LARGE1: variants seen among roughly 807,000 people sequenced by gnomAD.
LARGE1 encodes LARGE xylosyl- and glucuronyltransferase 1.
A neutral mutation model predicts 87.6 loss-of-function variants in LARGE1; 43 were observed. The ratio of observed to expected loss-of-function variants is 0.49; its 90% CI spans 0.38 to 0.63. LARGE1 has a LOEUF of 0.63. LARGE1 is among the 30% of genes least tolerant of loss of function. The pLI, the probability that LARGE1 is intolerant of heterozygous loss-of-function variation, is 0.00. For missense variants in LARGE1, 802 were observed against 1,000.2 expected, an observed-to-expected ratio of 0.80 and a Z score of 2.67; for synonymous variants, 434 against 394.6, an observed-to-expected ratio of 1.10 and a Z score of -1.18.
At chr22:33,801,604 TC>T (rs2086162876) in intron 1 of LARGE1, among the ~76,000 whole-genome samples, 1 of 152,208 alleles carries the variant, frequency 6.6e-6, no homozygotes, top group Non-Finnish European at 1.5e-5. Flanking sequence ...ATACGAGTCC[TC>T]TGTCAAATGT....
intron 5 of LARGE1, among the ~76,000 whole-genome samples, chr22:33,599,357 C>G (rs891131013): frequency 6.6e-6 from 1 of 151,258 alleles, no homozygotes; most frequent in African/African-American, 2.4e-5. Flanking sequence ...CAAAGCTCTA[C>G]GCAAAAATAA....
intron 11 of LARGE1, among the ~76,000 whole-genome samples, chr22:33,170,421 C>T (rs1213577405): frequency 6.6e-6 from 1 of 152,062 alleles, no homozygotes; most frequent in African/African-American, 2.4e-5. Flanking sequence ...ATAGAGCTAG[C>T]TTGATATGGT....
At chr22:33,669,626 T>C (rs2081353725) in intron 2 of LARGE1, among the ~76,000 whole-genome samples, 1 of 152,200 alleles carries the variant, frequency 6.6e-6, no homozygotes, top group African/African-American at 2.4e-5. Context: ...TGGGGAGACC[T>C]TTCCCACCTG....
intron 7 of LARGE1, among the ~76,000 whole-genome samples, chr22:33,417,128 A>AT (rs2066528873): frequency 6.6e-6 from 1 of 150,596 alleles, no homozygotes; most frequent in South Asian, 2.1e-4. Context: ...GATGCTCTCT[A>AT]TCTCTTGACC....
At chr22:33,194,743 A>G (rs1290786185) in intron 11 of LARGE1, among the ~76,000 whole-genome samples, 4 of 152,128 alleles carry the variant, frequency 2.6e-5, no homozygotes, top group Non-Finnish European at 5.9e-5. Flanking sequence ...GGGACACGGA[A>G]TGATAGTGCT....
Position 33,548,697 on chromosome 22 carries a change from G to A in LARGE1, c.787+16151C>T, listed in dbSNP as rs527545343. Among the ~76,000 whole-genome samples, 317 of 152,330 alleles carry A rather than the reference G, an allele frequency of 2.1e-3. 3 individuals are homozygous for A. Among genetic ancestry groups the A allele is most frequent in the African/African-American group, 6.8e-3 (281 of 41,588 alleles). On this transcript the variant is annotated intron_variant, in intron 6 of 14. Coordinates refer to ENST00000397394, the MANE Select transcript of LARGE1 (RefSeq NM_133642.5). ...CCCAATGTGCTGGGATTATAGGCAC[G>A]AGCCATCATACCCGGCTCAGGTATT... is the stretch of plus-strand genomic sequence containing the variant.
At chr22:33,183,974 A>C (rs1353168881) in intron 11 of LARGE1, among the ~76,000 whole-genome samples, 1 of 151,750 alleles carries the variant, frequency 6.6e-6, no homozygotes, top group Non-Finnish European at 1.5e-5. Context: ...TTGTTTACTC[A>C]AAATTTGATA....
intron 2 of LARGE1, among the ~76,000 whole-genome samples, chr22:33,724,555 A>G (rs975207142): frequency 2.0e-5 from 3 of 152,190 alleles, no homozygotes; most frequent in African/African-American, 7.2e-5. Flanking sequence ...AGAGAAGGGA[A>G]GAGTTGATAT....
chr22:33,635,962 A>T (rs1333096243), intron 3 of LARGE1, among the ~76,000 whole-genome samples: 1 of 152,170 alleles, frequency 6.6e-6, no homozygotes, highest in Non-Finnish European at 1.5e-5. Flanking sequence ...AACAGGTGTG[A>T]CCACATGGGT....
intron 9 of LARGE1, among the ~76,000 whole-genome samples, chr22:33,349,686 G>A (rs992342106): frequency 1.3e-5 from 2 of 152,000 alleles, no homozygotes; most frequent in African/African-American, 4.8e-5. Flanking sequence ...ATCAGGTACT[G>A]CTATTAAATA....
chr22:33,442,952 C>T lies in LARGE1; in HGVS notation c.788-10687G>A, dbSNP rs5998944. 4.4e-3 allele frequency among the ~76,000 whole-genome samples: 671 copies of T among 152,206 alleles called. 5 individuals are homozygous for T. Among genetic ancestry groups the T allele is most frequent in the African/African-American group, 0.016 (651 of 41,554 alleles). ...GGACTACAGGCGCCCGCACCACATC[C>T]GGCTAATTTTTTGTATTTTTTAGTA... On this transcript the variant is annotated intron_variant, in intron 6 of 14. Coordinates refer to ENST00000397394, the MANE Select transcript of LARGE1 (RefSeq NM_133642.5).
chr22:33,805,251 C>T (rs778622511), intron 1 of LARGE1, among the ~76,000 whole-genome samples: 38 of 152,132 alleles, frequency 2.5e-4, no homozygotes, highest in Admixed American at 9.2e-4. Flanking sequence ...TACACTTGGT[C>T]TAAGCCACCA....
Position 33,187,144 on chromosome 22 carries a change from A to C in LARGE1, c.1731-20312T>G, listed in dbSNP as rs555822289. On this transcript the variant is annotated intron_variant, in intron 11 of 11. Coordinates refer to the LARGE1 transcript ENST00000608642. ...TCCAGCAGTCCCACGACTGGGTATA[A>C]ATTCAAAGGAAATGAAACCGATTTG... Among the ~76,000 whole-genome samples, 129 of 152,324 alleles carry C rather than the reference A, an allele frequency of 8.5e-4. 1 individual carries two copies. The highest frequency in any genetic ancestry group is 3.0e-3 in the African/African-American group (126 of 41,590).
intron 6 of LARGE1, among the ~76,000 whole-genome samples, chr22:33,451,901 C>T (rs1032870673): frequency 6.6e-6 from 1 of 152,150 alleles, no homozygotes; most frequent in African/African-American, 2.4e-5. Context: ...TAGCTTAGCT[C>T]CCACTTATCA....
intron 2 of LARGE1, 110 bp from the exon 3 acceptor site, chr22:33,650,778 A>G: frequency 8.3e-7 from 1 of 1,212,092 alleles, no homozygotes; most frequent in Non-Finnish European, 1.2e-6. Context: ...GCACAATCCC[A>G]TGTTTAAGGA....
the LARGE1 span, among the ~76,000 whole-genome samples, chr22:33,154,087 C>A: frequency 4.6e-5 from 7 of 151,276 alleles, no homozygotes; most frequent in Non-Finnish European, 7.4e-5. Flanking sequence ...TTTTGTTTAT[C>A]TGTTATAATT....
At chr22:33,757,295 C>T (rs1175423031) in intron 2 of LARGE1, among the ~76,000 whole-genome samples, 2 of 152,280 alleles carry the variant, frequency 1.3e-5, no homozygotes, top group Non-Finnish European at 2.9e-5. Flanking sequence ...AAGCCTAAGC[C>T]GACTCCCTCT....
At chr22:33,493,140 A>C (rs2069932555) in intron 6 of LARGE1, among the ~76,000 whole-genome samples, 1 of 148,932 alleles carries the variant, frequency 6.7e-6, no homozygotes, top group South Asian at 2.1e-4. Context: ...GGATAGCTCT[A>C]CAAGCATGGT....
At chr22:33,480,446 T>C (rs1485427241) in intron 6 of LARGE1, among the ~76,000 whole-genome samples, 1 of 152,150 alleles carries the variant, frequency 6.6e-6, no homozygotes, top group African/African-American at 2.4e-5. Context: ...TCTCTGGTTC[T>C]CTGCCCAGGG....
Sources: allele counts gnomAD v4.1 joint callset (sites outside exome capture counted in the v4.1 genomes callset), GRCh38; gene constraint gnomAD v4.1.1; transcripts MANE v1.5; gene names NCBI Gene and HGNC (gene_info 2026-07-23, HGNC 2026-07-21).